Variants in C12orf50 observed in about 807,000 individuals in gnomAD.
C12orf50 encodes uncharacterized protein C12orf50.
C12orf50 carries 35 observed loss-of-function variants against 61.6 expected under a neutral mutation model. The ratio of observed to expected loss-of-function variants is 0.57; its 90% CI spans 0.43 to 0.75. C12orf50 has a LOEUF of 0.75. Ranked by LOEUF, C12orf50 falls within the 30% of genes least tolerant of loss-of-function variation. C12orf50 has a pLI of 0.00. For synonymous variants in C12orf50, 178 were observed against 161.5 expected, an observed-to-expected ratio of 1.10 and a Z score of -0.77; for missense variants, 475 against 488.5, an observed-to-expected ratio of 0.97 and a Z score of 0.26.
intron 3 of C12orf50, among the ~76,000 whole-genome samples, chr12:88,016,544 G>T (rs1344418061): frequency 6.6e-6 from 1 of 152,178 alleles, no homozygotes; most frequent in African/African-American, 2.4e-5. Flanking sequence ...ACATATTTCA[G>T]CTGAGCTTGT....
chr12:88,023,722 C>G (rs116078139), intron 3 of C12orf50, among the ~76,000 whole-genome samples: 4,180 of 150,614 alleles, frequency 0.028, 198 homozygotes, highest in African/African-American at 0.095. Context: ...AAATACCATT[C>G]TGGATATAGG....
At chr12:87,980,525 T>TA (rs1313638224) in intron 12 of C12orf50, among the ~76,000 whole-genome samples, 169 bp from the exon 13 acceptor site, 1 of 152,210 alleles carries the variant, frequency 6.6e-6, no homozygotes, top group Non-Finnish European at 1.5e-5. Context: ...CACTTCTTTT[T>TA]GATTCTTACT....
intron 3 of C12orf50, among the ~76,000 whole-genome samples, chr12:88,000,768 CT>C (rs1271575887): frequency 6.6e-6 from 1 of 151,518 alleles, no homozygotes; most frequent in Non-Finnish European, 1.5e-5. Context: ...AAATTAATTC[CT>C]AAATATTTTT....
intron 7 of C12orf50, among the ~76,000 whole-genome samples, chr12:87,992,215 A>C (rs555193251): frequency 6.6e-6 from 1 of 152,296 alleles, no homozygotes; most frequent in Non-Finnish European, 1.5e-5. Context: ...AGAATATACC[A>C]GGATGAGTAA....
intron 2 of C12orf50, 58 bp downstream of exon 2, chr12:88,026,893 T>A: frequency 7.0e-6 from 11 of 1,574,818 alleles, no homozygotes; most frequent in Non-Finnish European, 9.5e-6. Flanking sequence ...AAAGTATAAT[T>A]CAGCATTATT....
intron 3 of C12orf50, among the ~76,000 whole-genome samples, chr12:88,007,996 A>C (rs1206513634): frequency 2.0e-5 from 3 of 152,076 alleles, no homozygotes; most frequent in Non-Finnish European, 4.4e-5. Context: ...GTGATCAATA[A>C]ACTCAAGCAT....
intron 11 of C12orf50, chr12:87,985,578 T>C (rs1172723016): frequency 4.2e-6 from 2 of 476,482 alleles, no homozygotes; most frequent in Admixed American, 7.1e-5. Flanking sequence ...CATGAAGCTG[T>C]CCTGGAGGAA....
chr12:88,002,502 T>C (rs2031692911), intron 3 of C12orf50, among the ~76,000 whole-genome samples: 1 of 151,844 alleles, frequency 6.6e-6, no homozygotes, highest in South Asian at 2.1e-4. Context: ...GTCTAGTTGC[T>C]TTACAGTTGT....
intron 3 of C12orf50, among the ~76,000 whole-genome samples, chr12:88,020,274 C>T (rs141490927): frequency 2.0e-5 from 3 of 152,316 alleles, no homozygotes; most frequent in South Asian, 2.1e-4. Flanking sequence ...GACCCACTAA[C>T]ATGCTGTCTT....
At chr12:88,024,074 G>C (rs898594227) in intron 3 of C12orf50, among the ~76,000 whole-genome samples, 1 of 152,082 alleles carries the variant, frequency 6.6e-6, no homozygotes, top group African/African-American at 2.4e-5. Context: ...AAACCATAAT[G>C]AAATACCACC....
intron 3 of C12orf50, among the ~76,000 whole-genome samples, chr12:88,013,693 G>A (rs940937096): frequency 6.6e-6 from 1 of 152,254 alleles, no homozygotes; most frequent in African/African-American, 2.4e-5. Flanking sequence ...AATTGGTGAA[G>A]ATAGGTGAAG....
chr12:87,980,441 G>T, intron 12 of C12orf50, 85 bp from the exon 13 acceptor site: 1 of 1,197,936 alleles, frequency 8.3e-7, no homozygotes, highest in Non-Finnish European at 1.2e-6. Context: ...ATTACTTGCC[G>T]TAAATCTAAA....
At chr12:88,005,884 C>T (rs532864634) in intron 3 of C12orf50, among the ~76,000 whole-genome samples, 4 of 137,742 alleles carry the variant, frequency 2.9e-5, no homozygotes, top group Non-Finnish European at 6.2e-5. Flanking sequence ...TAAAGATTGA[C>T]AAAGGACTAT....
intron 12 of C12orf50, 71 bp from the exon 13 acceptor site, chr12:87,980,427 G>C (rs1421407828): frequency 7.7e-7 from 1 of 1,296,104 alleles, no homozygotes; most frequent in East Asian, 2.3e-5. Flanking sequence ...TTCTTCTTTT[G>C]CTAATTACTT....
chr12:87,997,125 G>A (rs1222746962), intron 4 of C12orf50, among the ~76,000 whole-genome samples: 1 of 151,012 alleles, frequency 6.6e-6, no homozygotes, highest in Non-Finnish European at 1.5e-5. Flanking sequence ...GGGTTGATAT[G>A]GGAGGCAAAG....
intron 3 of C12orf50, among the ~76,000 whole-genome samples, chr12:88,025,933 A>G (rs564593341): frequency 1.3e-5 from 2 of 152,322 alleles, no homozygotes; most frequent in African/African-American, 4.8e-5. Flanking sequence ...AAGGTACATC[A>G]CATGGTAGAG....
chr12:88,020,724 A>C (rs2032484077), intron 3 of C12orf50, among the ~76,000 whole-genome samples: 1 of 152,154 alleles, frequency 6.6e-6, no homozygotes, highest in Admixed American at 6.5e-5. Context: ...CCAAAACAAC[A>C]GAATATACAT....
chr12:88,024,578 A>G (rs2032633575), intron 3 of C12orf50, among the ~76,000 whole-genome samples: 1 of 152,072 alleles, frequency 6.6e-6, no homozygotes, highest in South Asian at 2.1e-4. Flanking sequence ...GCTAAATGAT[A>G]ACCCAAAGAG....
At chr12:88,006,913 C>A (rs2031908869) in intron 3 of C12orf50, among the ~76,000 whole-genome samples, 1 of 152,158 alleles carries the variant, frequency 6.6e-6, no homozygotes, top group Non-Finnish European at 1.5e-5. Flanking sequence ...TCCAATACAA[C>A]TGACTTGCCA....
Sources: gnomAD v4.1 joint callset for allele counts (sites outside exome capture counted in the v4.1 genomes callset) on GRCh38, gnomAD v4.1.1 for gene constraint, MANE v1.5 for transcripts, NCBI Gene and HGNC (gene_info 2026-07-23, HGNC 2026-07-21) for gene names.